ABCB1: variants seen among roughly 807,000 people sequenced by gnomAD.
ABCB1 encodes ATP binding cassette subfamily B member 1.
Under a neutral mutation model 142.0 loss-of-function variants are expected in ABCB1, and 69 were observed. The observed-to-expected ratio is 0.49, with a 90% CI of 0.40 to 0.59. The LOEUF (loss-of-function observed/expected upper bound fraction) is 0.59. ABCB1 is among the 20% of genes least tolerant of loss of function. The probability of loss-of-function intolerance (pLI) is 0.00; values close to 1 mark genes in which losing one functional copy is unlikely to be tolerated. For missense variants in ABCB1, 1,326 were observed against 1,554.7 expected, an observed-to-expected ratio of 0.85 and a Z score of 2.47; for synonymous variants, 532 against 539.2, an observed-to-expected ratio of 0.99 and a Z score of 0.18.
chr7:87,540,415 T>C (rs1259983245), intron 18 of ABCB1, among the ~76,000 whole-genome samples: 3 of 152,152 alleles, frequency 2.0e-5, no homozygotes, highest in Non-Finnish European at 4.4e-5. Flanking sequence ...ACCAATACTG[T>C]CTTGCCATAC....
chr7:87,602,052 G>C (rs1819476996), upstream of ABCB1, among the ~76,000 whole-genome samples: 1 of 152,014 alleles, frequency 6.6e-6, no homozygotes, highest in Non-Finnish European at 1.5e-5. Flanking sequence ...GGAGTGCAGT[G>C]GCAGGATCTC....
intron 4 of ABCB1, among the ~76,000 whole-genome samples, chr7:87,580,645 T>C (rs986508504): frequency 6.6e-6 from 1 of 152,160 alleles, no homozygotes; most frequent in African/African-American, 2.4e-5. Flanking sequence ...AACTTTCTAC[T>C]CTAATCTCTC....
chr7:87,669,966 A>T (rs1825667198), intron 1 of ABCB1, among the ~76,000 whole-genome samples: 1 of 152,104 alleles, frequency 6.6e-6, no homozygotes, highest in African/African-American at 2.4e-5. Context: ...ATCTTCTTGT[A>T]TAGAATCTTG....
At position 87,677,504 on chromosome 7, in the gene ABCB1, G is replaced by T. The variant is rs28746487; in HGVS notation, c.-331+35657C>A. On this transcript the variant is annotated intron_variant, in intron 1 of 28. Coordinates refer to the ABCB1 transcript ENST00000265724. The stretch of plus-strand genomic sequence containing the variant: ...TTATAGTAACAGAGAGTAAAATGTT[G>T]ATTACCAGAGGCTGGGGGATAGGAG... 4.9e-3 allele frequency among the ~76,000 whole-genome samples: 751 copies of T among 152,164 alleles called. 6 individuals carry two copies. Among genetic ancestry groups the T allele is most frequent in the African/African-American group, 0.016 (663 of 41,524 alleles).
At chr7:87,542,706 C>T (rs1484248804) in intron 17 of ABCB1, among the ~76,000 whole-genome samples, 1 of 151,972 alleles carries the variant, frequency 6.6e-6, no homozygotes, top group Non-Finnish European at 1.5e-5. Context: ...CCGCCAACCC[C>T]CAAAACCTGC....
chr7:87,527,859 A>G (rs1203920808), intron 21 of ABCB1, among the ~76,000 whole-genome samples: 1 of 152,146 alleles, frequency 6.6e-6, no homozygotes, highest in East Asian at 1.9e-4. Flanking sequence ...ATTTAACACT[A>G]TGTATTAGTC....
intron 20 of ABCB1, among the ~76,000 whole-genome samples, chr7:87,534,286 A>C (rs929025295): frequency 1.3e-5 from 2 of 152,196 alleles, no homozygotes; most frequent in Non-Finnish European, 2.9e-5. Flanking sequence ...ACATGAGCCC[A>C]TACCACAGGG....
rs28381808 is a variant in ABCB1 at position 87,598,428 on chromosome 7, A to G, written c.68+1689T>C. On this transcript the variant is annotated intron_variant, in intron 2 of 27. Transcript: ENST00000622132. Reference sequence around the variant, plus strand: ...TACAGTCCATTCTACCGTGAGAGATACCAGGTCTGATCACTCGGTTAAGGT... The same window carrying G: ...TACAGTCCATTCTACCGTGAGAGATGCCAGGTCTGATCACTCGGTTAAGGT... 2.7e-3 allele frequency among the ~76,000 whole-genome samples: 408 copies of G among 152,328 alleles called. 7 individuals carry two copies. Among genetic ancestry groups the G allele is most frequent in the East Asian group, 0.026 (136 of 5,184 alleles).
At chr7:87,710,839 T>C (rs1830007430) in intron 1 of ABCB1, among the ~76,000 whole-genome samples, 1 of 152,196 alleles carries the variant, frequency 6.6e-6, no homozygotes, top group Non-Finnish European at 1.5e-5. Flanking sequence ...AACATACATC[T>C]ACCTTTCTGT....
chr7:87,695,679 G>A (rs989606731), intron 1 of ABCB1, among the ~76,000 whole-genome samples: 1 of 151,996 alleles, frequency 6.6e-6, no homozygotes, highest in Non-Finnish European at 1.5e-5. Flanking sequence ...ACTAAAGATG[G>A]GGAATTAAGT....
chr7:87,666,726 C>A (rs911699598), intron 1 of ABCB1, among the ~76,000 whole-genome samples: 1 of 152,124 alleles, frequency 6.6e-6, no homozygotes, highest in East Asian at 1.9e-4. Context: ...GTTTTCCCAG[C>A]ACCATTTATT....
intron 3 of ABCB1, among the ~76,000 whole-genome samples, chr7:87,587,885 A>AG (rs1425515383): frequency 6.6e-6 from 1 of 150,610 alleles, no homozygotes; most frequent in Non-Finnish European, 1.5e-5. Context: ...AAAAAAAAAA[A>AG]AAAAAAAAAG....
intron 1 of ABCB1, among the ~76,000 whole-genome samples, chr7:87,708,032 A>G (rs1045594051): frequency 6.6e-6 from 1 of 152,142 alleles, no homozygotes; most frequent in Non-Finnish European, 1.5e-5. Context: ...ATAGGCTTAA[A>G]TAGGCTTTTG....
chr7:87,698,789 T>C lies in ABCB1; in HGVS notation c.-331+14372A>G, dbSNP rs1828741568. Among the ~76,000 whole-genome samples, 3 of 152,162 alleles carry C rather than the reference T, an allele frequency of 2.0e-5. No homozygotes were observed. In the South Asian group the frequency reaches 6.2e-4, roughly 32 times the overall value. Reference sequence around the variant, plus strand: ...GTGAAATAATCAAGTAAAGAAATACTTTTGAGGAGAAGTAAGCACAGGGTC... The same window carrying C: ...GTGAAATAATCAAGTAAAGAAATACCTTTGAGGAGAAGTAAGCACAGGGTC... On this transcript the variant is annotated intron_variant, in intron 1 of 28. Coordinates refer to the ABCB1 transcript ENST00000265724.
intron 1 of ABCB1, among the ~76,000 whole-genome samples, chr7:87,654,849 G>T (rs1823929560): frequency 6.6e-6 from 1 of 151,986 alleles, no homozygotes; most frequent in Non-Finnish European, 1.5e-5. Context: ...GAACTCAATA[G>T]TAAGAAAATA....
chr7:87,540,811 A>C (rs1423810344), intron 18 of ABCB1, among the ~76,000 whole-genome samples: 5 of 152,214 alleles, frequency 3.3e-5, no homozygotes, highest in African/African-American at 1.2e-4. Flanking sequence ...AATGATTTGC[A>C]AGCTGTAAAA....
chr7:87,574,253 CGA>C (rs1818184237), intron 4 of ABCB1, among the ~76,000 whole-genome samples: 1 of 151,186 alleles, frequency 6.6e-6, no homozygotes, highest in African/African-American at 2.5e-5. Flanking sequence ...GAGAGGAGGA[CGA>C]GAGAGCTTGA....
chr7:87,574,842 C>T (rs773243606), intron 4 of ABCB1, among the ~76,000 whole-genome samples: 48 of 152,192 alleles, frequency 3.2e-4, no homozygotes, highest in Non-Finnish European at 5.4e-4. Context: ...TTACACCTAT[C>T]TCTTCCTCCC....
At chr7:87,534,143 G>A (rs1292573372) in intron 20 of ABCB1, among the ~76,000 whole-genome samples, 1 of 152,148 alleles carries the variant, frequency 6.6e-6, no homozygotes, top group East Asian at 1.9e-4. Flanking sequence ...AGGAATTTGA[G>A]AGGCAGGAAG....
Sources: gnomAD v4.1 joint callset for allele counts (sites outside exome capture counted in the v4.1 genomes callset) on GRCh38, gnomAD v4.1.1 for gene constraint, MANE v1.5 for transcripts, NCBI Gene and HGNC (gene_info 2026-07-23, HGNC 2026-07-21) for gene names.